The following ENPEP variants were observed in gnomAD, a reference collection of about 807,000 sequenced individuals.
The protein encoded by ENPEP is AP-A.
ENPEP carries 103 observed loss-of-function variants against 114.5 expected under a neutral mutation model. That is an observed-to-expected ratio of 0.90 (90% CI 0.77 to 1.06). The LOEUF is 1.06. Among genes scored for constraint, ENPEP ranks in the 50% least tolerant of loss-of-function variants. The pLI is 0.00. For missense variants in ENPEP, 1,196 were observed against 1,161.3 expected, an observed-to-expected ratio of 1.03 and a Z score of -0.43; for synonymous variants, 420 against 422.0, an observed-to-expected ratio of 1.00 and a Z score of 0.06.
At position 110,501,059 on chromosome 4, in the gene ENPEP, G is replaced by A. The variant is rs182414963; in HGVS notation, c.919-5578G>A. Among the ~76,000 whole-genome samples, 1,025 of 152,198 alleles carry A rather than the reference G, an allele frequency of 6.7e-3. 7 individuals are homozygous for A. The highest frequency in any genetic ancestry group is 0.014 in the South Asian group (68 of 4,792). ...CACGGATTACAGAAACCATGTTGGAGCTTTAAACGACAGAAAATGTTGGCA... is the reference window on the plus strand; with the variant it reads ...CACGGATTACAGAAACCATGTTGGAACTTTAAACGACAGAAAATGTTGGCA... On this transcript the variant is annotated intron_variant, in intron 3 of 19. Transcript: ENST00000265162.
intron 10 of ENPEP, among the ~76,000 whole-genome samples, chr4:110,528,575 T>C (rs1273841410): frequency 6.6e-6 from 1 of 152,206 alleles, no homozygotes; most frequent in Non-Finnish European, 1.5e-5. Context: ...CTTTTTATAA[T>C]TCAAATGGCT....
At chr4:110,488,460 T>C in intron 1 of ENPEP, 81 bp from the exon 2 acceptor site, 7 of 1,417,066 alleles carry the variant, frequency 4.9e-6, no homozygotes, top group South Asian at 1.7e-5. Context: ...TAGCTGATTT[T>C]TTTTTCCCCT....
chr4:110,491,222 C>T, intron 3 of ENPEP, 58 bp downstream of exon 3: 1 of 1,444,634 alleles, frequency 6.9e-7, no homozygotes, highest in African/African-American at 1.5e-5. Context: ...TAATTATCTA[C>T]CTTTTTTGGG....
chr4:110,476,652 G>T lies in ENPEP; in HGVS notation c.238G>T (p.Ala80Ser). 1 of 1,614,036 alleles carries T rather than the reference G, an allele frequency of 6.2e-7. No homozygotes were observed. Among genetic ancestry groups the T allele is most frequent in the Non-Finnish European group, 8.5e-7 (1 of 1,180,054 alleles). ...TGCCCAGGACCAGGACATCTGCCCG[G>T]CCAGTGAGGATGAGAGCGGACAGTG... ...PPAQDQDICP[A>S]SEDESGQWKN... Residue 80 changes from alanine (A) to serine (S), a missense_variant, in exon 1 of 20, where the codon GCC becomes TCC. Ala to Ser is a moderately conservative substitution (Grantham distance 99). Transcript: ENST00000265162.
intron 10 of ENPEP, among the ~76,000 whole-genome samples, chr4:110,525,690 A>G (rs1726171082): frequency 6.6e-6 from 1 of 152,188 alleles, no homozygotes; most frequent in Non-Finnish European, 1.5e-5. Flanking sequence ...CTTTATAGTT[A>G]CTGGTCTATG....
intron 3 of ENPEP, among the ~76,000 whole-genome samples, chr4:110,496,729 T>C (rs1419209808): frequency 6.6e-6 from 1 of 152,250 alleles, no homozygotes; most frequent in Non-Finnish European, 1.5e-5. Flanking sequence ...GTTTGTGTGA[T>C]GTTTCCTCAA....
chr4:110,494,905 GTTGA>G (rs1232160710), intron 3 of ENPEP, among the ~76,000 whole-genome samples: 1 of 152,186 alleles, frequency 6.6e-6, no homozygotes, highest in Admixed American at 6.5e-5. Flanking sequence ...TTCAGGTTTA[GTTGA>G]TTGATTAGGG....
intron 10 of ENPEP, among the ~76,000 whole-genome samples, chr4:110,529,471 G>A (rs977910439): frequency 1.3e-5 from 2 of 152,174 alleles, no homozygotes; most frequent in African/African-American, 4.8e-5. Context: ...GCAGGCAGTG[G>A]GATAGAGAAG....
chr4:110,515,845 G>C (rs1312926914), intron 8 of ENPEP: 1 of 455,788 alleles, frequency 2.2e-6, no homozygotes, highest in Non-Finnish European at 4.4e-6. Flanking sequence ...CCTCTCTTCC[G>C]GGCTTGCAGA....
At chr4:110,491,718 C>CTTTTTTTTT (rs970695793) in intron 3 of ENPEP, among the ~76,000 whole-genome samples, 12 of 66,052 alleles carry the variant, frequency 1.8e-4, no homozygotes, top group Non-Finnish European at 2.8e-4. Flanking sequence ...TTCTTTCTTT[C>CTTTTTTTTT]TTTTTTTTTT....
At chr4:110,521,480 A>G (rs996598699) in intron 10 of ENPEP, among the ~76,000 whole-genome samples, 2 of 152,070 alleles carry the variant, frequency 1.3e-5, no homozygotes, top group Non-Finnish European at 2.9e-5. Flanking sequence ...GCCAGCTACT[A>G]GAATCAATTT....
intron 2 of ENPEP, among the ~76,000 whole-genome samples, chr4:110,489,562 A>G (rs1332148289): frequency 3.9e-5 from 6 of 152,148 alleles, no homozygotes; most frequent in African/African-American, 1.4e-4. Flanking sequence ...TGTAATAAAC[A>G]AATAAATAAA....
At chr4:110,510,425 A>T in intron 6 of ENPEP, 67 bp downstream of exon 6, 1 of 1,340,634 alleles carries the variant, frequency 7.5e-7, no homozygotes, top group Non-Finnish European at 1.1e-6. Context: ...AAGCCTTTGG[A>T]CTATGATAAT....
chr4:110,476,479 TC>T lies in ENPEP; in HGVS notation c.66del (p.Cys23ValfsTer7). On this transcript the variant is annotated frameshift_variant, in exon 1 of 20. Coordinates refer to ENST00000265162, the MANE Select transcript of ENPEP (RefSeq NM_001977.4). LOFTEE classifies it high-confidence loss of function. ...ATTCAAACGAAACATGTGGCCATTCTCTGTGCGGTGGTGGTGGGTGTAGGAT... is the reference window on the plus strand; with the variant it reads ...ATTCAAACGAAACATGTGGCCATTCTTGTGCGGTGGTGGTGGGTGTAGGAT... ...YCIQTKHVAI[L>X]CAVVVGVGLI... The T allele has an allele frequency of 6.4e-7, 1 of 1,566,160 alleles. No individual in the cohort carries two copies. Among genetic ancestry groups the T allele is most frequent in the Non-Finnish European group, 8.7e-7 (1 of 1,153,060 alleles).
At chr4:110,523,779 G>A (rs1726094854) in intron 10 of ENPEP, among the ~76,000 whole-genome samples, 1 of 152,158 alleles carries the variant, frequency 6.6e-6, no homozygotes, top group South Asian at 2.1e-4. Flanking sequence ...AAAGTGTTGG[G>A]ATACTACTTC....
intron 18 of ENPEP, among the ~76,000 whole-genome samples, chr4:110,556,959 A>C (rs150755470): frequency 7.9e-4 from 120 of 152,298 alleles, no homozygotes; most frequent in Middle Eastern, 3.4e-3. Flanking sequence ...AGTAGAGACA[A>C]ATTTTAAGTA....
At chr4:110,502,514 AT>A (rs1223257567) in intron 3 of ENPEP, among the ~76,000 whole-genome samples, 1 of 152,160 alleles carries the variant, frequency 6.6e-6, no homozygotes, top group Non-Finnish European at 1.5e-5. Context: ...TCCCAGCATC[AT>A]TTATTGAATA....
rs1454942198 is a variant in ENPEP, at chr4:110,476,942, G to A, written c.528G>A (p.Glu176=). 1 of 1,614,072 alleles carries A rather than the reference G, an allele frequency of 6.2e-7. No individual in the cohort carries two copies. Among genetic ancestry groups the A allele is most frequent in the African/African-American group, 1.3e-5 (1 of 74,932 alleles). The change falls in exon 1 of 20, where the codon GAG becomes GAA. Residue 176 remains glutamate, a synonymous_variant. Coordinates refer to ENST00000265162, the MANE Select transcript of ENPEP (RefSeq NM_001977.4). ...ACGTGGTGGTCGAGGCGGAGGAAGAGCTTACCCCCAGCAGTGGAGATGGCC... is the reference window on the plus strand; with the variant it reads ...ACGTGGTGGTCGAGGCGGAGGAAGAACTTACCCCCAGCAGTGGAGATGGCC... The part of the protein sequence containing the change: ...QEYVVVEAEE[E]LTPSSGDGLY...
At chr4:110,515,307 G>A in intron 7 of ENPEP, 70 bp from the exon 8 acceptor site, 1 of 1,250,306 alleles carries the variant, frequency 8.0e-7, no homozygotes, top group Non-Finnish European at 1.2e-6. Context: ...CTAGTTGCAA[G>A]AGTAATAACT....
Sources: allele counts gnomAD v4.1 joint callset (sites outside exome capture counted in the v4.1 genomes callset), GRCh38; gene constraint gnomAD v4.1.1; transcripts MANE v1.5; gene names NCBI Gene and HGNC (gene_info 2026-07-23, HGNC 2026-07-21).